Variants in SUV39H2 observed in about 807,000 individuals in gnomAD.
SUV39H2 encodes the protein histone-lysine N-methyltransferase SUV39H2.
Under a neutral mutation model 47.5 loss-of-function variants are expected in SUV39H2, and 10 were observed. That is an observed-to-expected ratio of 0.21 (90% CI 0.13 to 0.36). SUV39H2 has a LOEUF of 0.36. Among genes scored for constraint, SUV39H2 ranks in the 10% least tolerant of loss-of-function variants. The pLI, the probability that SUV39H2 is intolerant of heterozygous loss-of-function variation, is 1.00. For missense variants in SUV39H2, 266 were observed against 487.4 expected (o/e 0.55, Z 4.28); for synonymous variants, 159 against 166.8 (o/e 0.95, Z 0.36).
At chr10:14,898,591 C>T (rs1466897633) in intron 3 of SUV39H2, 2 of 152,142 alleles carry the variant, frequency 1.3e-5, no homozygotes, top group Non-Finnish European at 2.9e-5. Context: ...AATCAAATTA[C>T]TCTTTTTGTT....
At chr10:14,886,003 C>G (rs1475386574) in intron 2 of SUV39H2, among the ~76,000 whole-genome samples, 4 of 152,218 alleles carry the variant, frequency 2.6e-5, no homozygotes, top group African/African-American at 7.2e-5. Context: ...TCTTTATCAT[C>G]TGGCCACCCG....
chr10:14,893,415 A>G (rs377242091), intron 2 of SUV39H2, among the ~76,000 whole-genome samples: 16 of 152,324 alleles, frequency 1.1e-4, no homozygotes, highest in African/African-American at 3.8e-4. Context: ...AAAAATTCAT[A>G]TGATGTATTC....
chr10:14,883,313 C>T (rs1455984127), intron 2 of SUV39H2, among the ~76,000 whole-genome samples: 1 of 152,176 alleles, frequency 6.6e-6, no homozygotes, highest in Non-Finnish European at 1.5e-5. Context: ...TGTTTTCTGT[C>T]TTTTTCTACT....
At chr10:14,890,108 CAAT>C (rs1833341383) in intron 2 of SUV39H2, among the ~76,000 whole-genome samples, 1 of 152,178 alleles carries the variant, frequency 6.6e-6, no homozygotes, top group Non-Finnish European at 1.5e-5. Context: ...CCACATCTGA[CAAT>C]ATAGTGATAT....
chr10:14,892,161 G>A (rs1203868525), intron 2 of SUV39H2, among the ~76,000 whole-genome samples: 1 of 152,176 alleles, frequency 6.6e-6, no homozygotes, highest in African/African-American at 2.4e-5. Context: ...GTTAGGTGGT[G>A]GCTGCCGCCT....
chr10:14,890,944 AT>A (rs370649886), intron 2 of SUV39H2, among the ~76,000 whole-genome samples: 1 of 152,078 alleles, frequency 6.6e-6, no homozygotes, highest in East Asian at 1.9e-4. Flanking sequence ...TGGTACTCCT[AT>A]TTTTTTGTTA....
intron 2 of SUV39H2, among the ~76,000 whole-genome samples, chr10:14,893,379 G>T (rs933048359): frequency 6.6e-6 from 1 of 152,090 alleles, no homozygotes; most frequent in Non-Finnish European, 1.5e-5. Context: ...TGATTCACCC[G>T]CCTTGGCCGG....
intron 2 of SUV39H2, among the ~76,000 whole-genome samples, chr10:14,895,671 G>A (rs1358424102): frequency 6.6e-6 from 1 of 152,108 alleles, no homozygotes; most frequent in African/African-American, 2.4e-5. Context: ...TCCAGTCATG[G>A]GTGAGTCTAA....
Position 14,885,258 on chromosome 10 carries a change from CTG to C in SUV39H2, c.177+3614_177+3615del, listed in dbSNP as rs1833170028. Among the ~76,000 whole-genome samples, 4 of 152,346 alleles carry C rather than the reference CTG, an allele frequency of 2.6e-5. No homozygotes were observed. In the East Asian group the frequency reaches 7.7e-4, roughly 29 times the overall value. ...CAGGTATCCAAGTTCACATTCAAAA[CTG>C]CACCTATTTTCCTCCTTCATACCTG... On this transcript the variant is annotated intron_variant, in intron 2 of 5. Coordinates refer to ENST00000354919, the MANE Select transcript of SUV39H2 (RefSeq NM_001193424.2).
At chr10:14,901,333 C>A (rs896207453) in intron 5 of SUV39H2, 71 bp downstream of exon 5, 88 of 1,583,178 alleles carry the variant, frequency 5.6e-5, no homozygotes, top group Non-Finnish European at 7.3e-5. Context: ...TAGGAACAGA[C>A]CTTAGATATT....
rs577176593 is a variant in SUV39H2 at position 14,895,914 on chromosome 10, G to GTT, written c.178-921_178-920dup. On this transcript the variant is annotated intron_variant, in intron 2 of 5. Coordinates refer to ENST00000354919, the MANE Select transcript of SUV39H2 (RefSeq NM_001193424.2). ...ACAAAGTCTTCAAAATTCAGTGTGGGTTTTTTTTTTTTGCTTTTTTTTTTG... is the reference window on the plus strand; with the variant it reads ...ACAAAGTCTTCAAAATTCAGTGTGGGTTTTTTTTTTTTTTGCTTTTTTTTTTG... Among the ~76,000 whole-genome samples the GTT allele has an allele frequency of 8.3e-3, 1,143 of 137,416 alleles. 20 individuals are homozygous for GTT. Among genetic ancestry groups the GTT allele is most frequent in the African/African-American group, 0.028 (1,071 of 37,640 alleles). 90.2% of individuals were successfully genotyped at this position (137,416 alleles called of 152,430 possible).
chr10:14,888,587 G>C (rs1833286574), intron 2 of SUV39H2, among the ~76,000 whole-genome samples: 1 of 151,676 alleles, frequency 6.6e-6, no homozygotes, highest in South Asian at 2.1e-4. Flanking sequence ...AGTGAGCCGA[G>C]TTTGCACTAC....
At chr10:14,879,250 C>T (rs1832967450) in intron 1 of SUV39H2, 1 of 546,484 alleles carries the variant, frequency 1.8e-6, no homozygotes, top group East Asian at 5.6e-5. Context: ...CCGGCAGTCC[C>T]CGGTTGGAGG....
chr10:14,895,425 C>A (rs1833540900), intron 2 of SUV39H2, among the ~76,000 whole-genome samples: 1 of 152,216 alleles, frequency 6.6e-6, no homozygotes, highest in Non-Finnish European at 1.5e-5. Flanking sequence ...ATTCACCCAC[C>A]TCTGCCTCCC....
rs1353347750 is a variant in SUV39H2, at chr10:14,887,061, C to G, written c.177+5416C>G. The stretch of plus-strand genomic sequence containing the variant: ...GCAGGTTCTAAAGAGAGTGACACAT[C>G]AGGTTTGTAATTGAGAGAATTTTCT... On this transcript the variant is annotated intron_variant, in intron 2 of 5. Coordinates refer to ENST00000354919, the MANE Select transcript of SUV39H2 (RefSeq NM_001193424.2). 3.9e-5 allele frequency among the ~76,000 whole-genome samples: 6 copies of G among 152,074 alleles called. No individual in the cohort carries two copies. In the East Asian group the frequency reaches 9.6e-4, roughly 24 times the overall value.
chr10:14,886,653 G>A (rs373831587), intron 2 of SUV39H2, among the ~76,000 whole-genome samples: 29 of 152,156 alleles, frequency 1.9e-4, no homozygotes, highest in African/African-American at 6.5e-4. Context: ...TCTTTTTCTC[G>A]TATACTTACT....
intron 2 of SUV39H2, among the ~76,000 whole-genome samples, chr10:14,884,035 A>G (rs1255922817): frequency 6.6e-6 from 1 of 152,238 alleles, no homozygotes; most frequent in Non-Finnish European, 1.5e-5. Context: ...TTGCCAAATA[A>G]TATTTCATTG....
chr10:14,892,146 A>G (rs916710671), intron 2 of SUV39H2, among the ~76,000 whole-genome samples: 3 of 152,216 alleles, frequency 2.0e-5, no homozygotes, highest in African/African-American at 7.2e-5. Context: ...GAAGTCTGAG[A>G]AATGGTTAGG....
At chr10:14,901,007 C>A in intron 4 of SUV39H2, 126 bp from the exon 5 acceptor site, 1 of 1,285,554 alleles carries the variant, frequency 7.8e-7, no homozygotes, top group Non-Finnish European at 1.1e-6. Flanking sequence ...GACCTCTAAG[C>A]AATAAGCAAC....
Sources: gnomAD v4.1 joint callset for allele counts (sites outside exome capture counted in the v4.1 genomes callset) on GRCh38, gnomAD v4.1.1 for gene constraint, MANE v1.5 for transcripts, NCBI Gene and HGNC (gene_info 2026-07-23, HGNC 2026-07-21) for gene names.